Variants in SAG observed in about 807,000 individuals in gnomAD.
SAG encodes the protein S-antigen visual arrestin.
A neutral mutation model predicts 55.0 loss-of-function variants in SAG; 45 were observed. That is an observed-to-expected ratio of 0.82 (90% CI 0.64 to 1.05). The LOEUF is 1.05. Among genes scored for constraint, SAG ranks in the 50% least tolerant of loss-of-function variants. SAG has a pLI of 0.00. For synonymous variants in SAG, 189 were observed against 197.4 expected, an observed-to-expected ratio of 0.96 and a Z score of 0.36; for missense variants, 455 against 512.1, an observed-to-expected ratio of 0.89 and a Z score of 1.08.
At chr2:233,335,241 C>T (rs1479960702) in intron 11 of SAG, 142 bp downstream of exon 11, 6 of 1,115,500 alleles carry the variant, frequency 5.4e-6, no homozygotes, top group African/African-American at 3.2e-5. Context: ...TGCATATCTA[C>T]GGGCCCACAC....
rs1559436342 is a variant in SAG at position 233,319,288 on chromosome 2, G to A, written c.181+493G>A. ...CACCAAAAAGGGGGAAATGATGCCT[G>A]CTGGGGGCAGGGGGAGTAAGACCCA... On this transcript the variant is annotated intron_variant, in intron 4 of 15. Transcript: ENST00000409110. This position sits in a 1 kb window ranked among gnomAD's most constrained non-coding sequence, Gnocchi z 4.4. Among the ~76,000 whole-genome samples the A allele has an allele frequency of 1.5e-5, 1 of 66,992 alleles. No individual in the cohort carries two copies. The highest frequency in any genetic ancestry group is 3.1e-5 in the Non-Finnish European group (1 of 32,780). The allele number at this position is 66,992 out of a possible 152,430, so 43.9% of individuals were successfully genotyped here. A position where few individuals can be genotyped will look rare whatever the true frequency, so the allele number is the denominator to read the frequency against.
intron 12 of SAG, among the ~76,000 whole-genome samples, chr2:233,339,999 C>T (rs10153945): frequency 0.14 from 20,559 of 150,942 alleles, 1,593 homozygotes; most frequent in African/African-American, 0.2. Flanking sequence ...TTCTGTCACC[C>T]AGGCTGGAGT....
chr2:233,338,821 C>T, intron 12 of SAG, 68 bp downstream of exon 12: 1 of 1,304,100 alleles, frequency 7.7e-7, no homozygotes, highest in Non-Finnish European at 1.1e-6. Context: ...CTTTTCCTTT[C>T]CTGAATGACT....
intron 14 of SAG, chr2:233,343,776 T>A (rs751966164): frequency 3.0e-5 from 31 of 1,035,246 alleles, no homozygotes; most frequent in Non-Finnish European, 3.5e-5. Context: ...AGGGATATTT[T>A]AAGTAAAAGT....
chr2:233,343,083 T>TG (rs1701153089), intron 14 of SAG: 1 of 108,864 alleles, frequency 9.2e-6, no homozygotes, highest in Non-Finnish European at 1.8e-5. Context: ...TTTTTGGGGT[T>TG]TTTTTTTTTT....
intron 9 of SAG, 85 bp from the exon 10 acceptor site, chr2:233,331,555 C>T: frequency 1.2e-6 from 1 of 830,636 alleles, no homozygotes; most frequent in Admixed American, 1.9e-5. Flanking sequence ...GAGGAGAGAC[C>T]AGCGTGTACC....
rs1397806950 is a variant in SAG at position 233,319,897 on chromosome 2, C to T, written c.182-733C>T. 3.0e-6 allele frequency: 3 copies of T among 985,696 alleles called. No homozygotes were observed. Among genetic ancestry groups the T allele is most frequent in the South Asian group, 4.7e-5 (1 of 21,288 alleles). 61.1% of individuals were successfully genotyped at this position (985,696 alleles called of 1,614,324 possible). On this transcript the variant is annotated intron_variant, in intron 4 of 15. Coordinates refer to ENST00000409110, the MANE Select transcript of SAG (RefSeq NM_000541.5). This position sits in a 1 kb window ranked among gnomAD's most constrained non-coding sequence, Gnocchi z 4.4. Reference sequence around the variant, plus strand: ...GCTTGCAGGCAAAATTCTCAACCAACAGCTACCACGCACTTGGCGGGGCCG... The same window carrying T: ...GCTTGCAGGCAAAATTCTCAACCAATAGCTACCACGCACTTGGCGGGGCCG...
intron 4 of SAG, 107 bp from the exon 5 acceptor site, chr2:233,320,523 C>T (rs1395129719): frequency 1.2e-6 from 1 of 807,008 alleles, no homozygotes; most frequent in East Asian, 2.9e-5. Flanking sequence ...GCCCCTATCC[C>T]CTCCAGATGC....
At chr2:233,323,102 A>G in intron 6 of SAG, 97 bp downstream of exon 6, 2 of 786,650 alleles carry the variant, frequency 2.5e-6, no homozygotes, top group East Asian at 2.7e-5. Flanking sequence ...TCTGTCACCA[A>G]TGCTGGGGTG....
chr2:233,339,544 T>TTG (rs1460120932), intron 12 of SAG, among the ~76,000 whole-genome samples: 1 of 151,734 alleles, frequency 6.6e-6, no homozygotes, highest in African/African-American at 2.4e-5. Flanking sequence ...AGTGTTTTTT[T>TTG]TTTTTTTTTT....
intron 2 of SAG, among the ~76,000 whole-genome samples, chr2:233,311,229 G>A (rs1700068040): frequency 6.6e-6 from 1 of 152,184 alleles, no homozygotes; most frequent in Admixed American, 6.5e-5. Context: ...CCATTTCTCT[G>A]TGATTCTCCC....
At chr2:233,326,731 T>C (rs1031158880) in intron 6 of SAG, among the ~76,000 whole-genome samples, 2 of 152,154 alleles carry the variant, frequency 1.3e-5, no homozygotes, top group African/African-American at 4.8e-5. Context: ...GCTGGCCCTG[T>C]GAGTGCCTGT....
In SAG at chr2:233,327,168, C is replaced by A. The variant is rs745461889; in HGVS notation, c.483C>A (p.Thr161=). 1 of 1,613,624 alleles carries A rather than the reference C, an allele frequency of 6.2e-7. No individual in the cohort carries two copies. Residue 161 remains threonine (T), a synonymous_variant, in exon 7 of 16, where the codon ACC becomes ACA. Transcript: ENST00000409110. ...FEVKAFATDS[T]DAEEDKIPKK... The stretch of plus-strand genomic sequence containing the variant: ...TCAAAGCATTCGCCACAGACAGCAC[C>A]GATGCCGAAGAGGACAAAATCCCCA...
chr2:233,316,616 G>T (rs1431845215), intron 3 of SAG, among the ~76,000 whole-genome samples: 1 of 152,006 alleles, frequency 6.6e-6, no homozygotes, highest in East Asian at 1.9e-4. Context: ...CGGCTGGAAA[G>T]AATTTTAAAG....
At chr2:233,308,380 G>T (rs1482009456) in intron 1 of SAG, among the ~76,000 whole-genome samples, 1 of 152,080 alleles carries the variant, frequency 6.6e-6, no homozygotes, top group African/African-American at 2.4e-5. Context: ...GAGGCAGGAG[G>T]ATCACGAGCC....
chr2:233,328,745 C>T, intron 8 of SAG, 132 bp downstream of exon 8: 1 of 936,958 alleles, frequency 1.1e-6, no homozygotes, highest in Non-Finnish European at 1.6e-6. Flanking sequence ...GGATAAAGCA[C>T]CAACATGCGT....
At chr2:233,324,818 G>A (rs1700496811) in intron 6 of SAG, among the ~76,000 whole-genome samples, 1 of 152,196 alleles carries the variant, frequency 6.6e-6, no homozygotes, top group African/African-American at 2.4e-5. Context: ...GGCAGTGATA[G>A]GTGATGACAA....
intron 7 of SAG, 187 bp from the exon 8 acceptor site, chr2:233,328,291 C>T: frequency 1.7e-6 from 1 of 589,588 alleles, no homozygotes; most frequent in Non-Finnish European, 2.8e-6. Flanking sequence ...AGGACCCAGA[C>T]CCCCAGGCTC....
In SAG at chr2:233,319,852, G is replaced by A. The variant is rs376631149; in HGVS notation, c.182-778G>A. 2.7e-4 allele frequency: 263 copies of A among 985,788 alleles called. 1 individual carries two copies. In the South Asian group the frequency reaches 0.011, roughly 40 times the overall value. 61.1% of individuals were successfully genotyped at this position (985,788 alleles called of 1,614,324 possible). A position where few individuals can be genotyped will look rare whatever the true frequency, so the allele number is the denominator to read the frequency against. ...CCACTGTTTCTTCTGAGTCAGCAGC[G>A]AAGGGCAGTTACCTTTGGGGCTTGC... On this transcript the variant is annotated intron_variant, in intron 4 of 15. Coordinates refer to ENST00000409110, the MANE Select transcript of SAG (RefSeq NM_000541.5). The surrounding 1 kb of genome is among the most constrained non-coding windows in gnomAD (Gnocchi z 4.4).
Sources: gnomAD v4.1 joint callset for allele counts (sites outside exome capture counted in the v4.1 genomes callset) on GRCh38, gnomAD v4.1.1 for gene constraint, Gnocchi (gnomAD v3.1) non-coding constraint, MANE v1.5 for transcripts, NCBI Gene and HGNC (gene_info 2026-07-23, HGNC 2026-07-21) for gene names.